Variants in JDP2 observed in about 807,000 individuals in gnomAD.
JDP2 encodes the protein progesterone receptor co-activator.
A neutral mutation model predicts 17.1 loss-of-function variants in JDP2; 9 were observed. The ratio of observed to expected loss-of-function variants is 0.53; its 90% confidence interval spans 0.32 to 0.92. The LOEUF (loss-of-function observed/expected upper bound fraction) is 0.92, where lower values mean the gene tolerates loss of function less well. Among genes scored for constraint, JDP2 ranks in the 40% least tolerant of loss-of-function variants. The pLI is 0.04. For synonymous variants in JDP2, 107 were observed against 95.6 expected (o/e 1.12, Z -0.69); for missense variants, 179 against 220.0 (o/e 0.81, Z 1.18).
intron 2 of JDP2, chr14:75,445,567 T>C (rs1594956574): frequency 1.0e-6 from 1 of 985,420 alleles, no homozygotes; most frequent in Non-Finnish European, 1.2e-6. Context: ...AGTTTGGCTC[T>C]GGAGAGTTCA....
intron 3 of JDP2, among the ~76,000 whole-genome samples, chr14:75,467,858 C>A (rs559858885): frequency 1.3e-5 from 2 of 152,138 alleles, no homozygotes; most frequent in Non-Finnish European, 2.9e-5. Context: ...ATATTTTCCC[C>A]GAGCATTTTT....
chr14:75,434,365 T>G (rs76539398), intron 1 of JDP2, among the ~76,000 whole-genome samples: 99 of 152,250 alleles, frequency 6.5e-4, no homozygotes, highest in Non-Finnish European at 1.1e-3. Flanking sequence ...TGTGGTTGTC[T>G]CCTAGGAATG....
In JDP2 at chr14:75,473,474, T is replaced by C. The variant is rs1337923745; in HGVS notation, c.*3999T>C. ...TCCTTTGACCTAGCAGTTTTCCTCC[T>C]AGTCTTGGGAGGAACTCTAGCACAG... On this transcript the variant is annotated 3_prime_UTR_variant, in exon 4 of 4. Coordinates refer to ENST00000651602, the MANE Select transcript of JDP2 (RefSeq NM_001135048.2). 1.3e-5 allele frequency: 2 copies of C among 152,376 alleles called. No homozygotes were observed. Among genetic ancestry groups the C allele is most frequent in the East Asian group, 1.9e-4 (1 of 5,192 alleles). The allele number at this position is 152,376 out of a possible 1,614,324, so 9.4% of individuals were successfully genotyped here. A position where few individuals can be genotyped will look rare whatever the true frequency, so the allele number is the denominator to read the frequency against.
intron 3 of JDP2, among the ~76,000 whole-genome samples, chr14:75,463,513 T>C (rs1886429771): frequency 6.6e-6 from 1 of 151,954 alleles, no homozygotes; most frequent in Non-Finnish European, 1.5e-5. Context: ...GAGCGTTATG[T>C]TGGGCAAGCC....
intron 1 of JDP2, chr14:75,432,323 A>G: frequency 6.4e-7 from 1 of 1,551,452 alleles, no homozygotes; most frequent in African/African-American, 1.4e-5. Context: ...ATTCTCCAAG[A>G]TTCATGGTAG....
intron 2 of JDP2, among the ~76,000 whole-genome samples, chr14:75,438,322 G>A (rs1408497113): frequency 1.3e-5 from 2 of 152,092 alleles, no homozygotes; most frequent in African/African-American, 2.4e-5. Context: ...CCAGGGATTC[G>A]TGGACGTATT....
At chr14:75,446,654 G>A (rs1040407167) in intron 2 of JDP2, among the ~76,000 whole-genome samples, 12 of 152,198 alleles carry the variant, frequency 7.9e-5, no homozygotes, top group Non-Finnish European at 4.4e-5. Flanking sequence ...ACCTAGGGGT[G>A]GGGAGATGGG....
At chr14:75,467,805 C>A (rs141886126) in intron 3 of JDP2, among the ~76,000 whole-genome samples, 1 of 152,128 alleles carries the variant, frequency 6.6e-6, no homozygotes, top group Admixed American at 6.5e-5. Flanking sequence ...TTCCCAGTCA[C>A]GTCCCAGCCT....
At chr14:75,432,315 T>C (rs1884844633) in intron 1 of JDP2, 1 of 1,551,464 alleles carries the variant, frequency 6.4e-7, no homozygotes, top group East Asian at 2.4e-5. Flanking sequence ...GGTGGTTGAT[T>C]CTCCAAGATT....
chr14:75,430,965 CTG>C lies in JDP2; in HGVS notation c.-24+2715_-24+2716del, dbSNP rs1460467181. ...TTCTTAGTTGTTGTTGTTTTTTAGTCTGTTTTCTTGCTGCAGCCCACGGGATT... is the reference window on the plus strand; with the variant it reads ...TTCTTAGTTGTTGTTGTTTTTTAGTCTTTTCTTGCTGCAGCCCACGGGATT... On this transcript the variant is annotated intron_variant, in intron 1 of 3. Coordinates refer to ENST00000651602, the MANE Select transcript of JDP2 (RefSeq NM_001135048.2). The surrounding 1 kb of genome is among the most constrained non-coding windows in gnomAD (Gnocchi z 4.5). Among the ~76,000 whole-genome samples the C allele has an allele frequency of 6.6e-6, 1 of 152,078 alleles. No individual in the cohort carries two copies. Among genetic ancestry groups the C allele is most frequent in the African/African-American group, 2.4e-5 (1 of 41,400 alleles).
chr14:75,455,736 C>T (rs1025222599), intron 2 of JDP2, among the ~76,000 whole-genome samples: 3 of 152,188 alleles, frequency 2.0e-5, no homozygotes, highest in Non-Finnish European at 1.5e-5. Flanking sequence ...ACCCTAGCCT[C>T]AGGCCGGAGG....
Position 75,452,203 on chromosome 14 carries a change from C to T in JDP2, c.202-9223C>T, listed in dbSNP as rs186767472. Among the ~76,000 whole-genome samples, 304 of 152,300 alleles carry T rather than the reference C, an allele frequency of 2.0e-3. 1 individual carries two copies. Among genetic ancestry groups the T allele is most frequent in the African/African-American group, 6.9e-3 (287 of 41,566 alleles). ...GAAGTCAGAGCTGGAAAGGACTTTG[C>T]GGAGATTTTAGTCCAGCCCACCGTG... On this transcript the variant is annotated intron_variant, in intron 2 of 3. Coordinates refer to ENST00000651602, the MANE Select transcript of JDP2 (RefSeq NM_001135048.2).
chr14:75,437,232 G>A (rs1885110045), intron 1 of JDP2, among the ~76,000 whole-genome samples: 1 of 149,594 alleles, frequency 6.7e-6, no homozygotes, highest in Non-Finnish European at 1.5e-5. Context: ...CACAGGGAAA[G>A]CACATGCTAA....
chr14:75,432,355 C>A (rs1281944044), intron 1 of JDP2: 9 of 1,550,866 alleles, frequency 5.8e-6, no homozygotes, highest in Non-Finnish European at 7.9e-6. Flanking sequence ...CGCCATGACC[C>A]CTGGCCTGGC....
chr14:75,451,262 G>T (rs1338554492), intron 2 of JDP2, among the ~76,000 whole-genome samples: 1 of 152,116 alleles, frequency 6.6e-6, no homozygotes, highest in Non-Finnish European at 1.5e-5. Context: ...AGGCCTCCTG[G>T]GGGACTGGGG....
At chr14:75,466,597 T>C (rs1484700496) in intron 3 of JDP2, among the ~76,000 whole-genome samples, 1 of 152,212 alleles carries the variant, frequency 6.6e-6, no homozygotes, top group African/African-American at 2.4e-5. Context: ...CACTGATCTT[T>C]GTGTGTGATA....
chr14:75,464,360 T>A (rs1040532951), intron 3 of JDP2, among the ~76,000 whole-genome samples: 3 of 152,084 alleles, frequency 2.0e-5, no homozygotes, highest in African/African-American at 4.8e-5. Flanking sequence ...TAGCCAAGGG[T>A]TCTGCAGCTG....
At chr14:75,440,313 C>T (rs1885283733) in intron 2 of JDP2, among the ~76,000 whole-genome samples, 1 of 152,296 alleles carries the variant, frequency 6.6e-6, no homozygotes, top group East Asian at 1.9e-4. Flanking sequence ...CACTGCGAAC[C>T]GACCTCCAAA....
At position 75,471,508 on chromosome 14, in the gene JDP2, A is replaced by G. The variant is rs1176765647; in HGVS notation, c.*2033A>G. The G allele has an allele frequency of 6.6e-6, 1 of 152,246 alleles. No individual in the cohort carries two copies. The highest frequency in any genetic ancestry group is 1.5e-5 in the Non-Finnish European group (1 of 68,052). The allele number at this position is 152,246 out of a possible 1,614,324, so 9.4% of individuals were successfully genotyped here. A position where few individuals can be genotyped will look rare whatever the true frequency, so the allele number is the denominator to read the frequency against. On this transcript the variant is annotated 3_prime_UTR_variant, in exon 4 of 4. Transcript: ENST00000651602. ...CTCCTCCATCCCTGGACTTAGGATA[A>G]CTAGTTGCTGGTGATGACTTCGTGT...
Sources: allele counts gnomAD v4.1 joint callset (sites outside exome capture counted in the v4.1 genomes callset), GRCh38; gene constraint gnomAD v4.1.1; non-coding constraint Gnocchi (gnomAD v3.1); transcripts MANE v1.5; gene names NCBI Gene and HGNC (gene_info 2026-07-23, HGNC 2026-07-21).